The following COL5A1 variants were observed in gnomAD, a reference collection of about 807,000 sequenced individuals.
COL5A1 encodes the protein collagen alpha-1(V) chain.
A neutral mutation model predicts 263.7 loss-of-function variants in COL5A1; 16 were observed. That is an observed-to-expected ratio of 0.06 (90% CI 0.04 to 0.09). The LOEUF (loss-of-function observed/expected upper bound fraction) is 0.09. Among genes scored for constraint, COL5A1 ranks in the 10% least tolerant of loss-of-function variants. COL5A1 has a pLI of 1.00. For missense variants in COL5A1, 2,036 were observed against 2,540.5 expected (o/e 0.80, Z 4.27); for synonymous variants, 1,012 against 1,004.5 (o/e 1.01, Z -0.14).
At position 134,757,835 on chromosome 9, in the gene COL5A1, G is replaced by A. The variant is rs1033760203; in HGVS notation, c.1882-408G>A. Among the ~76,000 whole-genome samples, 3 of 152,124 alleles carry A rather than the reference G, an allele frequency of 2.0e-5. No individual in the cohort carries two copies. The highest frequency in any genetic ancestry group is 4.4e-5 in the Non-Finnish European group (3 of 68,032). Reference sequence around the variant, plus strand: ...ATGGGTACGCGTACCTCCTGAGCGCGGGCAGCCCCTCGGCACCATGGATAC... The same window carrying A: ...ATGGGTACGCGTACCTCCTGAGCGCAGGCAGCCCCTCGGCACCATGGATAC... On this transcript the variant is annotated intron_variant, in intron 17 of 65. Transcript: ENST00000371817. The surrounding 1 kb of genome is among the most constrained non-coding windows in gnomAD (Gnocchi z 6.2).
Position 134,819,073 on chromosome 9 carries a change from C to G in COL5A1, c.4446+20C>G. ...GAAAAGGTAAGAGGGGCCTCCCTGC[C>G]CCAGCAACTGTGACTCGGGGCCTTC... On this transcript the variant is annotated intron_variant, in intron 57 of 65. Transcript: ENST00000371817. The G allele has an allele frequency of 6.2e-7, 1 of 1,612,720 alleles. No homozygotes were observed. The highest frequency in any genetic ancestry group is 8.5e-7 in the Non-Finnish European group (1 of 1,179,588).
At chr9:134,806,162 G>C in intron 41 of COL5A1, 27 bp from the exon 42 acceptor site, 1 of 1,503,194 alleles carries the variant, frequency 6.7e-7, no homozygotes. Context: ...AGCCTTTGAA[G>C]CAGACTGTTT....
intron 28 of COL5A1, among the ~76,000 whole-genome samples, chr9:134,780,634 G>A (rs1837215795): frequency 6.6e-6 from 1 of 152,246 alleles, no homozygotes; most frequent in Non-Finnish European, 1.5e-5. Flanking sequence ...CATTGGCCAT[G>A]GTCCGTGGGG....
chr9:134,792,829 ATGCATG>A (rs1453788577), intron 32 of COL5A1, among the ~76,000 whole-genome samples: 15 of 140,780 alleles, frequency 1.1e-4, no homozygotes, highest in African/African-American at 4.0e-4. Context: ...ATGTGTGTGT[ATGCATG>A]TGTATGTGTG....
intron 65 of COL5A1, among the ~76,000 whole-genome samples, chr9:134,836,253 T>C (rs1839852248): frequency 6.6e-6 from 1 of 151,208 alleles, no homozygotes; most frequent in African/African-American, 2.5e-5. Context: ...GCTTCCAGTC[T>C]TGGGAAGGTG....
intron 4 of COL5A1, among the ~76,000 whole-genome samples, chr9:134,712,804 A>G (rs1350222523): frequency 2.6e-5 from 4 of 151,464 alleles, no homozygotes; most frequent in Non-Finnish European, 4.4e-5. Context: ...TTTTGTTCAA[A>G]TGGCCCCACC....
chr9:134,824,625 C>G lies in COL5A1; in HGVS notation c.4724C>G (p.Pro1575Arg). 1.2e-6 allele frequency: 2 copies of G among 1,614,178 alleles called. No homozygotes were observed. The highest frequency in any genetic ancestry group is 2.2e-5 in the East Asian group (1 of 44,882). ...PPGPPGEVIQ[P>R]LPIQASRTRR... ...GGCCCCCCGGGAGAGGTCATCCAGC[C>G]CCTGCCAATCCAGGCATCCAGGACG... is the stretch of plus-strand genomic sequence containing the variant. Residue 1575 changes from proline (P) to arginine (R), a missense_variant, in exon 62 of 66, where the codon CCC becomes CGC. Around this residue, in one of 3 missense-constraint regions of COL5A1, gnomAD observed 358 missense variants for 384.6 expected, o/e 0.93. Coordinates refer to ENST00000371817, the MANE Select transcript of COL5A1 (RefSeq NM_000093.5).
intron 65 of COL5A1, among the ~76,000 whole-genome samples, chr9:134,837,174 G>A (rs529891896): frequency 6.6e-6 from 1 of 152,308 alleles, no homozygotes; most frequent in Non-Finnish European, 1.5e-5. Flanking sequence ...AGTAAACATG[G>A]AGGTGAAGAG....
chr9:134,789,148 C>A lies in COL5A1; in HGVS notation c.2647-7C>A. ...CTCTGATGCCTCCTCCTTAAACTCTCTTTCAGGGCTCTATTGGATTCCCTG... is the reference window on the plus strand; with the variant it reads ...CTCTGATGCCTCCTCCTTAAACTCTATTTCAGGGCTCTATTGGATTCCCTG... On this transcript the variant is annotated splice_polypyrimidine_tract_variant and splice_region_variant and intron_variant, in intron 31 of 65. Transcript: ENST00000371817. The surrounding 1 kb of genome is among the most constrained non-coding windows in gnomAD (Gnocchi z 4.8). 1 of 1,612,864 alleles carries A rather than the reference C, an allele frequency of 6.2e-7. No individual in the cohort carries two copies. The highest frequency in any genetic ancestry group is 8.5e-7 in the Non-Finnish European group (1 of 1,179,784).
chr9:134,715,721 C>A (rs1461569747), intron 4 of COL5A1, among the ~76,000 whole-genome samples: 1 of 152,186 alleles, frequency 6.6e-6, no homozygotes, highest in East Asian at 1.9e-4. Flanking sequence ...TCCATTAAAC[C>A]TTGAGTCGAC....
chr9:134,705,607 C>T (rs911834651), intron 4 of COL5A1, among the ~76,000 whole-genome samples: 1 of 152,218 alleles, frequency 6.6e-6, no homozygotes, highest in Non-Finnish European at 1.5e-5. Context: ...CCAACGCTGT[C>T]GGATTTTGGG....
rs192288550 is a variant in COL5A1, at chr9:134,737,558, A to G, written c.1390-916A>G. Among the ~76,000 whole-genome samples the G allele has an allele frequency of 2.8e-3, 419 of 152,356 alleles. 1 individual carries two copies. Among genetic ancestry groups the G allele is most frequent in the African/African-American group, 9.8e-3 (407 of 41,576 alleles). ...TGTCAGAGCAAGTCCCTTGAGGAAC[A>G]GTCGCCCTGAAGTCGTCATGGAACA... is the stretch of plus-strand genomic sequence containing the variant. On this transcript the variant is annotated intron_variant, in intron 9 of 65. Coordinates refer to ENST00000371817, the MANE Select transcript of COL5A1 (RefSeq NM_000093.5).
intron 18 of COL5A1, among the ~76,000 whole-genome samples, chr9:134,760,645 ACT>A (rs1461380401): frequency 5.5e-5 from 6 of 110,010 alleles, no homozygotes; most frequent in Admixed American, 9.3e-5. Context: ...ACACTCATAC[ACT>A]CATGCACACA....
In COL5A1 at chr9:134,765,599, G is replaced by C; in HGVS notation, c.2035-82G>C. Reference sequence around the variant, plus strand: ...CCAGCTGGGGTTCTGGGTGGAGTCAGGGCCAAGTGGGCATAGGGGACAGAG... The same window carrying C: ...CCAGCTGGGGTTCTGGGTGGAGTCACGGCCAAGTGGGCATAGGGGACAGAG... On this transcript the variant is annotated intron_variant, in intron 20 of 65. Coordinates refer to ENST00000371817, the MANE Select transcript of COL5A1 (RefSeq NM_000093.5). This position sits in a 1 kb window ranked among gnomAD's most constrained non-coding sequence, Gnocchi z 5.1. The C allele has an allele frequency of 3.1e-6, 4 of 1,304,038 alleles. No homozygotes were observed. Among genetic ancestry groups the C allele is most frequent in the Non-Finnish European group, 4.4e-6 (4 of 900,546 alleles). 80.8% of individuals were successfully genotyped at this position (1,304,038 alleles called of 1,614,324 possible).
At chr9:134,807,770 C>A (rs184534083) in intron 42 of COL5A1, among the ~76,000 whole-genome samples, 1 of 152,274 alleles carries the variant, frequency 6.6e-6, no homozygotes, top group East Asian at 1.9e-4. Flanking sequence ...CAGTGAGGCA[C>A]CCAGGACATG....
intron 1 of COL5A1, among the ~76,000 whole-genome samples, chr9:134,664,165 G>A (rs1832290451): frequency 6.6e-6 from 1 of 152,126 alleles, no homozygotes; most frequent in African/African-American, 2.4e-5. Flanking sequence ...TGCAGAATCC[G>A]TCTGGGAAAA....
At chr9:134,747,065 G>T (rs1212171153) in intron 11 of COL5A1, among the ~76,000 whole-genome samples, 1 of 152,246 alleles carries the variant, frequency 6.6e-6, no homozygotes, top group Non-Finnish European at 1.5e-5. Flanking sequence ...GATAGCAAAT[G>T]CAGGTTCATG....
chr9:134,727,734 T>G (rs1302475229), intron 5 of COL5A1, among the ~76,000 whole-genome samples: 1 of 152,170 alleles, frequency 6.6e-6, no homozygotes, highest in Non-Finnish European at 1.5e-5. Context: ...ATGGACTCGA[T>G]CCACTGGAGG....
chr9:134,775,933 A>G (rs2132750544), intron 27 of COL5A1, among the ~76,000 whole-genome samples: 1 of 152,304 alleles, frequency 6.6e-6, no homozygotes, highest in South Asian at 2.1e-4. Context: ...GCTCCGAATC[A>G]ACCCTCCTGA....
Sources: gnomAD v4.1 joint callset for allele counts (sites outside exome capture counted in the v4.1 genomes callset) on GRCh38, gnomAD v4.1.1 for gene constraint, gnomAD v4.1.1 regional missense constraint, Gnocchi (gnomAD v3.1) non-coding constraint, MANE v1.5 for transcripts, NCBI Gene and HGNC (gene_info 2026-07-23, HGNC 2026-07-21) for gene names.